Variants in RNF150 observed in about 807,000 individuals in gnomAD.
The protein encoded by RNF150 is ring finger protein 150.
RNF150 carries 24 observed loss-of-function variants against 39.3 expected under a neutral mutation model. That is an observed-to-expected ratio of 0.61 (90% CI 0.44 to 0.86). RNF150 has a LOEUF of 0.86. RNF150 is among the 40% of genes least tolerant of loss of function. The pLI is 0.00. For synonymous variants in RNF150, 255 were observed against 227.3 expected (o/e 1.12, Z -1.10); for missense variants, 502 against 587.8 (o/e 0.85, Z 1.51).
intron 1 of RNF150, among the ~76,000 whole-genome samples, chr4:141,153,685 T>C (rs1012760340): frequency 6.6e-6 from 1 of 152,172 alleles, no homozygotes; most frequent in African/African-American, 2.4e-5. Context: ...GATGATATAG[T>C]AGGTTTCAAA....
chr4:140,969,076 T>C (rs1231383277), intron 1 of RNF150, among the ~76,000 whole-genome samples: 1 of 152,110 alleles, frequency 6.6e-6, no homozygotes, highest in Non-Finnish European at 1.5e-5. Flanking sequence ...ACGCTGGCTG[T>C]ATTCACATGT....
At chr4:140,976,335 C>A (rs1733663436) in intron 1 of RNF150, among the ~76,000 whole-genome samples, 1 of 151,968 alleles carries the variant, frequency 6.6e-6, no homozygotes, top group Admixed American at 6.6e-5. Flanking sequence ...CCACCATCTG[C>A]CAACCTCCTG....
At chr4:141,007,938 T>A (rs1734934240) in intron 1 of RNF150, among the ~76,000 whole-genome samples, 1 of 152,208 alleles carries the variant, frequency 6.6e-6, no homozygotes, top group African/African-American at 2.4e-5. Context: ...GTGAAGCCAG[T>A]GAAGTCTCTG....
intron 4 of RNF150, among the ~76,000 whole-genome samples, chr4:140,940,662 T>C (rs759742271): frequency 2.4e-4 from 37 of 152,194 alleles, no homozygotes; most frequent in Non-Finnish European, 4.3e-4. Flanking sequence ...GGGCAACCTC[T>C]AGTTGACGGT....
At position 140,967,749 on chromosome 4, in the gene RNF150, A is replaced by G. The variant is rs747670543; in HGVS notation, c.609T>C (p.Tyr203=). 1.9e-5 allele frequency: 31 copies of G among 1,613,488 alleles called. No homozygotes were observed. Among genetic ancestry groups the G allele is most frequent in the Middle Eastern group, 3.3e-4 (2 of 6,074 alleles). The change falls in exon 2 of 7, where the codon TAT becomes TAC. Residue 203 remains tyrosine, a synonymous_variant. Coordinates refer to ENST00000515673, the MANE Select transcript of RNF150 (RefSeq NM_020724.2). ...ITIGTRNLQK[Y]VSRTSVVFVS... is the part of the protein sequence containing the mutation. ...CAAACACAACCGAAGTGCGGCTCAC[A>G]TATTTCTGCAAGTTCCGGGTTCCGA...
intron 1 of RNF150, among the ~76,000 whole-genome samples, chr4:140,971,248 G>C (rs1004206480): frequency 1.3e-5 from 2 of 151,992 alleles, no homozygotes; most frequent in African/African-American, 4.8e-5. Flanking sequence ...TTGCTTCTGT[G>C]GGTGGGTGTG....
chr4:141,206,414 A>G (rs867651006), intron 1 of RNF150, among the ~76,000 whole-genome samples: 7 of 127,226 alleles, frequency 5.5e-5, no homozygotes, highest in Non-Finnish European at 1.0e-4. Context: ...AATGAGACTC[A>G]ATCTCAAAAA....
intron 6 of RNF150, among the ~76,000 whole-genome samples, chr4:140,875,910 T>C (rs1190358959): frequency 6.6e-6 from 1 of 152,196 alleles, no homozygotes; most frequent in African/African-American, 2.4e-5. Flanking sequence ...GCCTGTCTTA[T>C]GAAAGAAGGC....
chr4:140,869,002 T>A (rs796850347), intron 6 of RNF150, among the ~76,000 whole-genome samples: 2 of 152,268 alleles, frequency 1.3e-5, no homozygotes, highest in African/African-American at 2.4e-5. Flanking sequence ...CTGAGGTAGG[T>A]AGGTACATGA....
intron 1 of RNF150, among the ~76,000 whole-genome samples, chr4:141,181,429 C>T (rs1375546357): frequency 2.0e-5 from 3 of 152,064 alleles, no homozygotes; most frequent in Non-Finnish European, 4.4e-5. Flanking sequence ...TTCATCTGTA[C>T]ATAATTAATA....
intron 1 of RNF150, among the ~76,000 whole-genome samples, chr4:141,194,158 A>G (rs1270681286): frequency 2.6e-5 from 4 of 152,230 alleles, no homozygotes; most frequent in Non-Finnish European, 2.9e-5. Flanking sequence ...AAAATCTGAC[A>G]GGTACCCATT....
chr4:141,192,344 G>A (rs55843229), intron 1 of RNF150, among the ~76,000 whole-genome samples: 1 of 152,110 alleles, frequency 6.6e-6, no homozygotes, highest in South Asian at 2.1e-4. Context: ...CTATTTTTAA[G>A]GCTGTTACTT....
At chr4:140,948,299 C>T (rs116726588) in intron 3 of RNF150, among the ~76,000 whole-genome samples, 1,970 of 152,062 alleles carry the variant, frequency 0.013, 53 homozygotes, top group African/African-American at 0.045. Flanking sequence ...AGCCCAATGG[C>T]GTTTTTATAT....
chr4:141,188,492 C>T (rs962407834), intron 1 of RNF150, among the ~76,000 whole-genome samples: 8 of 152,284 alleles, frequency 5.3e-5, no homozygotes, highest in Middle Eastern at 3.4e-3. Context: ...ACCAACCAAT[C>T]GTAGGCTTGA....
intron 6 of RNF150, among the ~76,000 whole-genome samples, chr4:140,879,865 T>C (rs1156686461): frequency 6.6e-6 from 1 of 152,192 alleles, no homozygotes; most frequent in Non-Finnish European, 1.5e-5. Context: ...CTTTGCTGAA[T>C]AGTTTATTAG....
intron 5 of RNF150, among the ~76,000 whole-genome samples, chr4:140,919,818 G>A (rs11726482): frequency 0.29 from 43,416 of 152,044 alleles, 7,977 homozygotes; most frequent in Non-Finnish European, 0.41. Context: ...AAAACAGCAT[G>A]GTACTGGTAC....
intron 1 of RNF150, among the ~76,000 whole-genome samples, chr4:141,094,664 C>G (rs1002391199): frequency 6.6e-6 from 1 of 152,236 alleles, no homozygotes; most frequent in Non-Finnish European, 1.5e-5. Flanking sequence ...CGTAGTTTGC[C>G]AGCCCCTAAA....
At chr4:140,905,032 A>G (rs1730324150) in intron 6 of RNF150, among the ~76,000 whole-genome samples, 1 of 152,056 alleles carries the variant, frequency 6.6e-6, no homozygotes. Context: ...CTCTGAATGA[A>G]CTCTTTGGAA....
chr4:141,204,314 A>T (rs1728340612), intron 1 of RNF150, among the ~76,000 whole-genome samples: 2 of 152,148 alleles, frequency 1.3e-5, no homozygotes, highest in South Asian at 4.1e-4. Context: ...AATCTATTGG[A>T]AGTGAGAATT....
Sources: gnomAD v4.1 joint callset for allele counts (sites outside exome capture counted in the v4.1 genomes callset) on GRCh38, gnomAD v4.1.1 for gene constraint, MANE v1.5 for transcripts, NCBI Gene and HGNC (gene_info 2026-07-23, HGNC 2026-07-21) for gene names.